ABCD3: variants seen among roughly 807,000 people sequenced by gnomAD.
The protein encoded by ABCD3 is ATP binding cassette subfamily D member 3.
Under a neutral mutation model 105.5 loss-of-function variants are expected in ABCD3, and 41 were observed. The ratio of observed to expected loss-of-function variants is 0.39; its 90% CI spans 0.30 to 0.50. ABCD3 has a LOEUF of 0.50. ABCD3 is among the 20% of genes least tolerant of loss of function. ABCD3 has a pLI of 0.84. For synonymous variants in ABCD3, 258 were observed against 269.0 expected (o/e 0.96, Z 0.40); for missense variants, 622 against 806.3 (o/e 0.77, Z 2.77).
intron 1 of ABCD3, among the ~76,000 whole-genome samples, chr1:94,453,292 C>G (rs916791364): frequency 2.0e-5 from 3 of 150,362 alleles, no homozygotes; most frequent in Non-Finnish European, 3.0e-5. Context: ...GTTTTTTCTT[C>G]TCTCTGCTAG....
chr1:94,386,527 T>C, the ABCD3 span, among the ~76,000 whole-genome samples: 1 of 152,358 alleles, frequency 6.6e-6, no homozygotes, highest in South Asian at 2.1e-4. Context: ...AAGCTGAACT[T>C]TAATCCAGTG....
At chr1:94,423,433 C>T (rs1659341652) in intron 1 of ABCD3, among the ~76,000 whole-genome samples, 2 of 152,206 alleles carry the variant, frequency 1.3e-5, no homozygotes, top group South Asian at 4.1e-4. Flanking sequence ...AAATATTTCT[C>T]AGGAATTTCA....
At chr1:94,509,624 C>T (rs902912161) in intron 21 of ABCD3, among the ~76,000 whole-genome samples, 2 of 151,978 alleles carry the variant, frequency 1.3e-5, no homozygotes, top group Non-Finnish European at 2.9e-5. Flanking sequence ...GTCCTGGACT[C>T]TTTTTGGTTG....
chr1:94,505,943 T>C (rs1186985167), intron 20 of ABCD3, among the ~76,000 whole-genome samples: 2 of 152,066 alleles, frequency 1.3e-5, no homozygotes, highest in Non-Finnish European at 2.9e-5. Flanking sequence ...CCCCAGAAAA[T>C]ACATGGGAAC....
rs1194892650 is a variant in ABCD3 at position 94,418,563 on chromosome 1, C to G, written c.85C>G (p.Arg29Gly). 8 of 1,601,736 alleles carry G rather than the reference C, an allele frequency of 5.0e-6. No homozygotes were observed. Among genetic ancestry groups the G allele is most frequent in the Non-Finnish European group, 6.8e-6 (8 of 1,178,388 alleles). The change falls in exon 1 of 23, where the codon CGG (arginine) becomes GGG (glycine). Residue 29 changes from arginine to glycine, a missense_variant. Transcript: ENST00000370214. Reference protein sequence around the residue: ...AFLLLCLLHKRRRALGLHGKK... With the variant: ...AFLLLCLLHKGRRALGLHGKK... ...CCTGCTGCTCTGCCTGCTCCACAAG[C>G]GGCGCCGCGCCCTCGGCCTGCACGG... is the stretch of plus-strand genomic sequence containing the variant.
At chr1:94,401,482 T>C in the ABCD3 span, among the ~76,000 whole-genome samples, 3 of 152,252 alleles carry the variant, frequency 2.0e-5, no homozygotes, top group Middle Eastern at 6.3e-3. Flanking sequence ...TACTGGTTAG[T>C]TGTGTTTTGA....
In ABCD3 at chr1:94,464,801, G is replaced by A; in HGVS notation, c.174G>A (p.Val58=). 6.2e-7 allele frequency: 1 copy of A among 1,613,652 alleles called. No homozygotes were observed. Among genetic ancestry groups the A allele is most frequent in the Non-Finnish European group, 8.5e-7 (1 of 1,179,878 alleles). Residue 58 remains valine (V), a synonymous_variant, in exon 3 of 23, where the codon GTG becomes GTA. Transcript: ENST00000370214. ...AAGAGGGGAAAAAGGAGCGAGCTGT[G>A]GTGGACAAGGTGTTTTTCTCAAGGC... is the stretch of plus-strand genomic sequence containing the variant. ...NEKEGKKERA[V]VDKVFFSRLI...
the ABCD3 span, among the ~76,000 whole-genome samples, chr1:94,387,021 A>G: frequency 6.6e-5 from 10 of 152,246 alleles, no homozygotes; most frequent in Middle Eastern, 3.4e-3. Context: ...ATTTGTTAAC[A>G]TTTTCTTTTC....
At chr1:94,507,488 T>A (rs1482735182) in intron 21 of ABCD3, among the ~76,000 whole-genome samples, 2 of 152,146 alleles carry the variant, frequency 1.3e-5, no homozygotes, top group Non-Finnish European at 2.9e-5. Context: ...TGATTTATAG[T>A]CCTTTGGGTA....
chr1:94,444,610 G>A (rs1660277020), intron 1 of ABCD3, among the ~76,000 whole-genome samples: 1 of 152,032 alleles, frequency 6.6e-6, no homozygotes, highest in South Asian at 2.1e-4. Context: ...TTTTCATTTT[G>A]TAAGTCTGTT....
intron 1 of ABCD3, among the ~76,000 whole-genome samples, chr1:94,422,990 T>G (rs1659319754): frequency 6.6e-6 from 1 of 152,250 alleles, no homozygotes; most frequent in South Asian, 2.1e-4. Context: ...CAATCTGGTC[T>G]TACTTTACCT....
intron 9 of ABCD3, chr1:94,482,757 C>A: frequency 5.1e-6 from 1 of 194,790 alleles, no homozygotes; most frequent in South Asian, 9.5e-5. Context: ...CAAGTCATCA[C>A]TATCCATCTT....
At chr1:94,457,804 AT>A (rs1276720632) in intron 1 of ABCD3, among the ~76,000 whole-genome samples, 2 of 152,098 alleles carry the variant, frequency 1.3e-5, no homozygotes, top group African/African-American at 4.8e-5. Flanking sequence ...TCCAAACCTG[AT>A]TTCTCTGCCT....
intron 1 of ABCD3, among the ~76,000 whole-genome samples, chr1:94,449,200 G>GGAGGATCCC (rs1660472185): frequency 6.6e-6 from 1 of 152,172 alleles, no homozygotes; most frequent in African/African-American, 2.4e-5. Flanking sequence ...AGAGATTCTG[G>GGAGGATCCC]GAGGATCCCG....
chr1:94,399,379 G>A, the ABCD3 span, among the ~76,000 whole-genome samples: 1 of 152,198 alleles, frequency 6.6e-6, no homozygotes, highest in African/African-American at 2.4e-5. Context: ...TCACATGTGT[G>A]AGTATGTAAG....
intron 20 of ABCD3, among the ~76,000 whole-genome samples, chr1:94,504,151 T>G (rs921311041): frequency 1.3e-5 from 2 of 151,882 alleles, no homozygotes; most frequent in African/African-American, 4.8e-5. Context: ...AACCTTGTGA[T>G]CTGCCTGCCT....
At chr1:94,495,999 T>C (rs918392038) in intron 16 of ABCD3, among the ~76,000 whole-genome samples, 1 of 152,266 alleles carries the variant, frequency 6.6e-6, no homozygotes, top group African/African-American at 2.4e-5. Flanking sequence ...TGAACGACTC[T>C]TTAACAATTA....
chr1:94,471,365 C>G (rs1347286368), intron 4 of ABCD3, among the ~76,000 whole-genome samples: 1 of 151,806 alleles, frequency 6.6e-6, no homozygotes, highest in Admixed American at 6.6e-5. Context: ...CAAGACCAGC[C>G]TGGGCAACAC....
chr1:94,475,143 A>G lies in ABCD3; in HGVS notation c.406A>G (p.Ile136Val), dbSNP rs753464068. Residue 136 changes from isoleucine (I) to valine (V), a missense_variant and splice_region_variant, in exon 6 of 23, where the codon ATC becomes GTC. Physicochemically the swap from Ile to Val is conservative, Grantham distance 29 (BLOSUM62 3). This residue lies in a region of ABCD3 where 245 missense variants were observed against 356.4 expected (regional missense o/e 0.69). Transcript: ENST00000370214. ...LLNFIAAMPL[I>V]SLVNNFLKYG... ...AATAATATTTGTTTGTTTGTTTTAG[A>G]TCTCTCTGGTTAATAACTTCTTGAA... 1.9e-6 allele frequency: 3 copies of G among 1,585,286 alleles called. No homozygotes were observed. The highest frequency in any genetic ancestry group is 2.6e-6 in the Non-Finnish European group (3 of 1,159,528).
Sources: allele counts gnomAD v4.1 joint callset (sites outside exome capture counted in the v4.1 genomes callset), GRCh38; gene constraint gnomAD v4.1.1; regional missense constraint gnomAD v4.1.1; transcripts MANE v1.5; gene names NCBI Gene and HGNC (gene_info 2026-07-23, HGNC 2026-07-21).